The following CNTNAP2 variants were observed in gnomAD, a reference collection of about 807,000 sequenced individuals.
CNTNAP2 encodes the protein contactin-associated protein-like 2.
Under a neutral mutation model 155.2 loss-of-function variants are expected in CNTNAP2, and 98 were observed. The ratio of observed to expected loss-of-function variants is 0.63; its 90% CI spans 0.54 to 0.75. CNTNAP2 has a LOEUF of 0.75. Ranked by LOEUF, CNTNAP2 falls within the 30% of genes least tolerant of loss-of-function variation. The pLI is 0.00. For synonymous variants in CNTNAP2, 651 were observed against 631.2 expected, an observed-to-expected ratio of 1.03 and a Z score of -0.47; for missense variants, 1,727 against 1,688.1, an observed-to-expected ratio of 1.02 and a Z score of -0.40.
chr7:146,229,469 C>T (rs769379971), intron 1 of CNTNAP2, among the ~76,000 whole-genome samples: 6 of 152,292 alleles, frequency 3.9e-5, no homozygotes, highest in Admixed American at 1.3e-4. Flanking sequence ...TGAATAAGGA[C>T]GGCCTAATCC....
At chr7:146,698,195 T>C (rs1465498988) in intron 1 of CNTNAP2, among the ~76,000 whole-genome samples, 3 of 152,168 alleles carry the variant, frequency 2.0e-5, no homozygotes, top group Admixed American at 1.3e-4. Context: ...ACAAATTTTA[T>C]GTTGTATCCT....
chr7:147,248,319 A>G (rs1563132790), intron 8 of CNTNAP2, among the ~76,000 whole-genome samples: 1 of 151,960 alleles, frequency 6.6e-6, no homozygotes, highest in Non-Finnish European at 1.5e-5. Flanking sequence ...AGACTGAGAC[A>G]ATCTCTGGAA....
intron 10 of CNTNAP2, among the ~76,000 whole-genome samples, chr7:147,431,240 C>G: frequency 6.6e-6 from 1 of 152,142 alleles, no homozygotes; most frequent in Non-Finnish European, 1.5e-5. Flanking sequence ...TCTTACATAT[C>G]TGGTCACAAA....
chr7:146,985,323 T>C (rs1798095455), intron 3 of CNTNAP2, among the ~76,000 whole-genome samples: 1 of 23,316 alleles, frequency 4.3e-5, no homozygotes, highest in Non-Finnish European at 9.2e-5. Flanking sequence ...TTTTTTTTTT[T>C]TTTTTTTTTT....
At chr7:147,820,887 G>A (rs537224622) in intron 13 of CNTNAP2, among the ~76,000 whole-genome samples, 1 of 152,200 alleles carries the variant, frequency 6.6e-6, no homozygotes, top group African/African-American at 2.4e-5. Context: ...GTTTATGGCA[G>A]TGTTACAGTA....
Position 148,409,466 on chromosome 7 carries a change from T to C in CNTNAP2, c.3791T>C (p.Ile1264Thr), listed in dbSNP as rs376316135. ...RNGVNRNSAI[I>T]GGVIAVVIFT... is the part of the protein sequence containing the mutation. Reference sequence around the variant, plus strand: ...GGAGTCAACAGAAACTCGGCTATCATTGGAGGTAGGTGATGTCTAGAGGAG... The same window carrying C: ...GGAGTCAACAGAAACTCGGCTATCACTGGAGGTAGGTGATGTCTAGAGGAG... The change falls in exon 23 of 24, where the codon ATT becomes ACT. Residue 1264 changes from isoleucine to threonine, a missense_variant. By Grantham distance (89) the Ile-to-Thr change is moderately conservative. Transcript: ENST00000361727. 29 of 1,613,556 alleles carry C rather than the reference T, an allele frequency of 1.8e-5. No individual in the cohort carries two copies. Among genetic ancestry groups the C allele is most frequent in the East Asian group, 6.7e-5 (3 of 44,874 alleles).
At chr7:147,812,356 T>C (rs1018584043) in intron 13 of CNTNAP2, among the ~76,000 whole-genome samples, 1 of 152,140 alleles carries the variant, frequency 6.6e-6, no homozygotes, top group African/African-American at 2.4e-5. Flanking sequence ...ATTTGGTTTG[T>C]TAAAATAACA....
chr7:148,252,645 C>G (rs953886210), intron 20 of CNTNAP2, among the ~76,000 whole-genome samples: 2 of 152,136 alleles, frequency 1.3e-5, no homozygotes, highest in African/African-American at 4.8e-5. Context: ...AGTAGATATT[C>G]ATGCCCTCAA....
intron 11 of CNTNAP2, among the ~76,000 whole-genome samples, chr7:147,560,475 C>T (rs111307447): frequency 1.1e-4 from 17 of 152,058 alleles, no homozygotes; most frequent in African/African-American, 3.9e-4. Flanking sequence ...ATTAGAGCAG[C>T]CGTGTAGTTT....
At chr7:147,514,953 A>G (rs75382356) in intron 11 of CNTNAP2, among the ~76,000 whole-genome samples, 2 of 152,172 alleles carry the variant, frequency 1.3e-5, no homozygotes, top group Non-Finnish European at 2.9e-5. Flanking sequence ...TAAAATATGC[A>G]TTCTGGTCAT....
At chr7:147,893,662 G>A (rs1029843019) in intron 13 of CNTNAP2, among the ~76,000 whole-genome samples, 3 of 152,140 alleles carry the variant, frequency 2.0e-5, no homozygotes, top group African/African-American at 7.2e-5. Context: ...TAGGGAAATT[G>A]AAAACCCTTC....
chr7:146,592,831 C>A (rs1315149654), intron 1 of CNTNAP2, among the ~76,000 whole-genome samples: 2 of 152,112 alleles, frequency 1.3e-5, no homozygotes, highest in Non-Finnish European at 2.9e-5. Context: ...TTGATGGGGA[C>A]ATACGGGACA....
chr7:146,595,148 T>C (rs1798841489), intron 1 of CNTNAP2, among the ~76,000 whole-genome samples: 1 of 152,096 alleles, frequency 6.6e-6, no homozygotes, highest in Non-Finnish European at 1.5e-5. Context: ...ATTCAGATTA[T>C]ATAATCACTC....
intron 12 of CNTNAP2, among the ~76,000 whole-genome samples, chr7:147,590,830 C>T (rs981439201): frequency 3.9e-5 from 6 of 152,144 alleles, no homozygotes; most frequent in African/African-American, 1.4e-4. Flanking sequence ...TTTGATAGAA[C>T]AACACAAGTT....
chr7:146,144,561 T>C (rs1206955448), intron 1 of CNTNAP2, among the ~76,000 whole-genome samples: 2 of 152,182 alleles, frequency 1.3e-5, no homozygotes, highest in Admixed American at 6.5e-5. Flanking sequence ...AGTGGATGAG[T>C]GTATGTGTAA....
At chr7:147,770,389 G>C (rs986360612) in intron 13 of CNTNAP2, among the ~76,000 whole-genome samples, 4 of 152,156 alleles carry the variant, frequency 2.6e-5, no homozygotes, top group Non-Finnish European at 5.9e-5. Flanking sequence ...AGAGGGAGGA[G>C]TGGGGAAATG....
chr7:148,176,116 A>G (rs1225410229), intron 18 of CNTNAP2, among the ~76,000 whole-genome samples: 2 of 151,318 alleles, frequency 1.3e-5, no homozygotes, highest in East Asian at 1.9e-4. Flanking sequence ...TAGATGATGC[A>G]CTGATACTCA....
intron 9 of CNTNAP2, among the ~76,000 whole-genome samples, chr7:147,308,760 C>T (rs907342267): frequency 1.2e-4 from 18 of 152,154 alleles, no homozygotes; most frequent in African/African-American, 4.3e-4. Context: ...AACAAAATTC[C>T]CAGCGTCCTG....
chr7:146,315,981 C>T (rs1030692041), intron 1 of CNTNAP2, among the ~76,000 whole-genome samples: 2 of 152,124 alleles, frequency 1.3e-5, no homozygotes, highest in African/African-American at 2.4e-5. Flanking sequence ...GACATAACTG[C>T]TTATTTCTTT....
Sources: gnomAD v4.1 joint callset for allele counts (sites outside exome capture counted in the v4.1 genomes callset) on GRCh38, gnomAD v4.1.1 for gene constraint, MANE v1.5 for transcripts, NCBI Gene and HGNC (gene_info 2026-07-23, HGNC 2026-07-21) for gene names.